ASIC2: variants seen among roughly 807,000 people sequenced by gnomAD.
The protein encoded by ASIC2 is acid-sensing ion channel 2.
Under a neutral mutation model 57.3 loss-of-function variants are expected in ASIC2, and 25 were observed. The observed-to-expected ratio is 0.44, with a 90% confidence interval of 0.32 to 0.61. ASIC2 has a LOEUF of 0.61. Among genes scored for constraint, ASIC2 ranks in the 20% least tolerant of loss-of-function variants. The pLI is 0.06. For synonymous variants in ASIC2, 319 were observed against 307.5 expected (o/e 1.04, Z -0.39); for missense variants, 641 against 738.1 (o/e 0.87, Z 1.52).
At chr17:33,762,718 T>G (rs911985710) in intron 1 of ASIC2, among the ~76,000 whole-genome samples, 2 of 152,202 alleles carry the variant, frequency 1.3e-5, no homozygotes, top group African/African-American at 4.8e-5. Context: ...GTTTGAACTT[T>G]GTTAGCACTG....
intron 1 of ASIC2, among the ~76,000 whole-genome samples, chr17:33,898,218 A>ATTTTTTT (rs1242866465): frequency 2.9e-5 from 2 of 67,822 alleles, no homozygotes; most frequent in Non-Finnish European, 3.0e-5. Context: ...TTCATGTATA[A>ATTTTTTT]TCTTTTTTTT....
At chr17:33,088,646 T>G (rs1017476368) in intron 3 of ASIC2, among the ~76,000 whole-genome samples, 7 of 152,020 alleles carry the variant, frequency 4.6e-5, no homozygotes, top group African/African-American at 1.7e-4. Context: ...ACCCAACCAG[T>G]TTGGTGAAAA....
chr17:33,352,217 C>T (rs1908213523), intron 1 of ASIC2, among the ~76,000 whole-genome samples: 1 of 152,166 alleles, frequency 6.6e-6, no homozygotes, highest in South Asian at 2.1e-4. Flanking sequence ...CTGGCAGGGA[C>T]TTCAAAATCA....
intron 3 of ASIC2, among the ~76,000 whole-genome samples, chr17:33,077,825 G>T (rs928658167): frequency 6.6e-6 from 1 of 152,168 alleles, no homozygotes; most frequent in South Asian, 2.1e-4. Flanking sequence ...CTTGTCAAGG[G>T]AGTGTGACAG....
chr17:33,203,925 A>G (rs1906969241), intron 1 of ASIC2, among the ~76,000 whole-genome samples: 1 of 152,220 alleles, frequency 6.6e-6, no homozygotes, highest in South Asian at 2.1e-4. Flanking sequence ...GTCCTTAGGT[A>G]AGTCATGTTC....
chr17:33,113,977 A>G (rs2092270601), intron 1 of ASIC2, among the ~76,000 whole-genome samples: 1 of 152,216 alleles, frequency 6.6e-6, no homozygotes, highest in Non-Finnish European at 1.5e-5. Context: ...TTTTCTCATC[A>G]GTCCATCAAT....
intron 1 of ASIC2, among the ~76,000 whole-genome samples, chr17:33,717,343 TGAGG>T (rs1331645165): frequency 6.6e-6 from 1 of 151,964 alleles, no homozygotes; most frequent in Non-Finnish European, 1.5e-5. Context: ...GCAAATAGAG[TGAGG>T]GCCCTCTGTG....
At chr17:34,037,927 G>A (rs980158341) in intron 1 of ASIC2, 2 of 1,613,698 alleles carry the variant, frequency 1.2e-6, no homozygotes, top group African/African-American at 2.7e-5. Context: ...GACACTGATA[G>A]AAGATCACAC....
At chr17:33,659,788 C>T (rs1313292355) in intron 1 of ASIC2, among the ~76,000 whole-genome samples, 2 of 151,974 alleles carry the variant, frequency 1.3e-5, no homozygotes, top group East Asian at 1.9e-4. Flanking sequence ...AGGAGAATGG[C>T]GTGAACCCAG....
chr17:33,237,432 C>A (rs172771), intron 1 of ASIC2, among the ~76,000 whole-genome samples: 105,144 of 151,556 alleles, frequency 0.69, 36,935 homozygotes, highest in Middle Eastern at 0.81. Context: ...CTCACCGCAA[C>A]TTCCGCCTCC....
chr17:34,153,709 A>T (rs917035752), intron 1 of ASIC2, among the ~76,000 whole-genome samples: 11 of 152,196 alleles, frequency 7.2e-5, no homozygotes, highest in Non-Finnish European at 1.3e-4. Context: ...AGCAGCACTG[A>T]GGCTCACCCC....
At chr17:33,157,001 A>C (rs369362836) in intron 1 of ASIC2, among the ~76,000 whole-genome samples, 3 of 152,206 alleles carry the variant, frequency 2.0e-5, no homozygotes, top group African/African-American at 7.2e-5. Context: ...TAGCCTGGCT[A>C]TAGTGGTTCT....
intron 1 of ASIC2, chr17:34,119,001 G>A (rs1250784970): frequency 6.6e-6 from 1 of 152,174 alleles, no homozygotes; most frequent in Non-Finnish European, 1.5e-5. Context: ...CATTTTGGAG[G>A]CCAGGAAAGT....
chr17:33,089,886 C>G (rs2092150622), intron 2 of ASIC2, among the ~76,000 whole-genome samples: 1 of 152,180 alleles, frequency 6.6e-6, no homozygotes, highest in South Asian at 2.1e-4. Flanking sequence ...AGCCATCATC[C>G]TAAATGTTTA....
chr17:34,142,959 T>C (rs1220994905), intron 1 of ASIC2: 3 of 152,280 alleles, frequency 2.0e-5, no homozygotes, highest in East Asian at 1.9e-4. Context: ...CTTCTCCAGG[T>C]TCTCTACATT....
At chr17:33,486,908 G>T (rs1054270798) in intron 1 of ASIC2, among the ~76,000 whole-genome samples, 1 of 152,190 alleles carries the variant, frequency 6.6e-6, no homozygotes, top group Admixed American at 6.5e-5. Context: ...CTCTCTGAGG[G>T]CAGGTGTCAG....
At chr17:33,405,027 G>C (rs1412848452) in intron 1 of ASIC2, among the ~76,000 whole-genome samples, 3 of 150,716 alleles carry the variant, frequency 2.0e-5, no homozygotes, top group Non-Finnish European at 4.4e-5. Flanking sequence ...TGTCTTGAAC[G>C]CCAGGACACT....
intron 1 of ASIC2, among the ~76,000 whole-genome samples, chr17:33,653,576 G>C (rs1275708523): frequency 6.6e-6 from 1 of 152,134 alleles, no homozygotes; most frequent in Non-Finnish European, 1.5e-5. Context: ...CTTCTTGTCT[G>C]CCTGGCTCCA....
chr17:33,244,718 T>G (rs1347464112), intron 1 of ASIC2, among the ~76,000 whole-genome samples: 1 of 152,210 alleles, frequency 6.6e-6, no homozygotes, highest in Non-Finnish European at 1.5e-5. Context: ...TAGGGTCTTG[T>G]GCTTTCAACA....
Sources: gnomAD v4.1 joint callset for allele counts (sites outside exome capture counted in the v4.1 genomes callset) on GRCh38, gnomAD v4.1.1 for gene constraint, MANE v1.5 for transcripts, NCBI Gene and HGNC (gene_info 2026-07-23, HGNC 2026-07-21) for gene names.